Variants in CCDC144A observed in about 807,000 individuals in gnomAD.
CCDC144A encodes coiled-coil domain containing 144A.
CCDC144A carries 41 observed loss-of-function variants against 143.8 expected under a neutral mutation model. The ratio of observed to expected loss-of-function variants is 0.29; its 90% CI spans 0.22 to 0.37. The LOEUF (loss-of-function observed/expected upper bound fraction) is 0.37. CCDC144A is among the 10% of genes least tolerant of loss of function. The probability of loss-of-function intolerance (pLI) is 1.00; values close to 1 mark genes in which losing one functional copy is unlikely to be tolerated. For synonymous variants in CCDC144A, 242 were observed against 517.9 expected, an observed-to-expected ratio of 0.47 and a Z score of 7.23; for missense variants, 637 against 1,488.8, an observed-to-expected ratio of 0.43 and a Z score of 9.41.
chr17:16,716,245 A>G (rs1305152871), intron 6 of CCDC144A, among the ~76,000 whole-genome samples: 1 of 152,228 alleles, frequency 6.6e-6, no homozygotes, highest in African/African-American at 2.4e-5. Context: ...AACAAACAAA[A>G]AACAATTATT....
intron 1 of CCDC144A, among the ~76,000 whole-genome samples, chr17:16,691,322 C>T (rs1911056836): frequency 1.3e-5 from 2 of 152,064 alleles, no homozygotes; most frequent in African/African-American, 4.8e-5. Context: ...ATGCTGAGGA[C>T]CCTTTTCTTA....
At chr17:16,719,478 A>C (rs941899967) in intron 6 of CCDC144A, among the ~76,000 whole-genome samples, 1 of 152,176 alleles carries the variant, frequency 6.6e-6, no homozygotes, top group African/African-American at 2.4e-5. Flanking sequence ...TCTCTTTAAA[A>C]CACTTGAAAA....
intron 13 of CCDC144A, 104 bp from the exon 14 acceptor site, chr17:16,762,209 A>G (rs1915405983): frequency 6.6e-7 from 1 of 1,507,506 alleles, no homozygotes; most frequent in Admixed American, 2.3e-5. Context: ...TCACGTACTT[A>G]AAATTGTTCT....
chr17:16,690,341 G>T lies in CCDC144A; in HGVS notation c.-60G>T. On this transcript the variant is annotated 5_prime_UTR_variant, in exon 1 of 17. Transcript: ENST00000399273. ...CTGGCTTGGCGGTCCTCCTTTCGCA[G>T]ATTGGAAACCGCGGGCTATCCTGCT... 1.5e-6 allele frequency: 2 copies of T among 1,352,924 alleles called. No individual in the cohort carries two copies. The highest frequency in any genetic ancestry group is 2.0e-6 in the Non-Finnish European group (2 of 1,009,360). The allele number at this position is 1,352,924 out of a possible 1,614,324, so 83.8% of individuals were successfully genotyped here. A position where few individuals can be genotyped will look rare whatever the true frequency, so the allele number is the denominator to read the frequency against.
the CCDC144A span, among the ~76,000 whole-genome samples, chr17:16,672,232 T>C: frequency 1.1e-4 from 16 of 152,264 alleles, 1 homozygote; most frequent in East Asian, 2.9e-3. Flanking sequence ...GTGACATCAA[T>C]TGCACATTTT....
intron 8 of CCDC144A, among the ~76,000 whole-genome samples, chr17:16,722,145 T>A (rs181129754): frequency 3.7e-4 from 56 of 152,234 alleles, no homozygotes; most frequent in Non-Finnish European, 6.2e-4. Flanking sequence ...ATTTTTTTTT[T>A]AAATCAGGAA....
intron 2 of CCDC144A, among the ~76,000 whole-genome samples, chr17:16,700,441 G>A (rs1911669733): frequency 6.6e-6 from 1 of 152,116 alleles, no homozygotes; most frequent in South Asian, 2.1e-4. Flanking sequence ...AACCACATTT[G>A]CACAAACAGT....
rs1343946405 is a variant in CCDC144A at position 16,690,753 on chromosome 17, C to T, written c.344+9C>T. 43 of 1,593,722 alleles carry T rather than the reference C, an allele frequency of 2.7e-5. No individual in the cohort carries two copies. The highest frequency in any genetic ancestry group is 3.6e-5 in the Non-Finnish European group (42 of 1,166,036). On this transcript the variant is annotated intron_variant, in intron 1 of 16. Transcript: ENST00000399273. ...AGGGATAGGAAGAAGAGGTAATGGC[C>T]AGGCGAAGGATGCGCCGTCCTGTCG...
chr17:16,740,259 T>C (rs929371496), intron 12 of CCDC144A, among the ~76,000 whole-genome samples: 7 of 152,180 alleles, frequency 4.6e-5, no homozygotes, highest in African/African-American at 1.4e-4. Context: ...CTGGTTCTCT[T>C]GTACACTCCC....
At chr17:16,765,143 T>G (rs1915540616) in intron 15 of CCDC144A, 1 of 107,180 alleles carries the variant, frequency 9.3e-6, no homozygotes, top group Admixed American at 1.1e-4. Context: ...AACTATAGAG[T>G]TGGTAAGGAA....
chr17:16,706,273 G>T (rs1395710244), intron 3 of CCDC144A: 15 of 145,566 alleles, frequency 1.0e-4, no homozygotes, highest in African/African-American at 3.8e-4. Context: ...AAATGTGTTC[G>T]CTAGGGATGT....
chr17:16,683,840 A>G, the CCDC144A span: 1 of 1,393,630 alleles, frequency 7.2e-7, no homozygotes, highest in Non-Finnish European at 1.0e-6. Flanking sequence ...GCCTCCAGTT[A>G]GCAGAGACAC....
At chr17:16,746,826 G>C (rs1276833465) in intron 12 of CCDC144A, 4 of 1,149,136 alleles carry the variant, frequency 3.5e-6, no homozygotes, top group East Asian at 2.5e-5. Flanking sequence ...AAGGCACCGC[G>C]TACCGCGCTG....
At chr17:16,667,311 GGGCTGAGGA>G in the CCDC144A span, among the ~76,000 whole-genome samples, 20 of 127,764 alleles carry the variant, frequency 1.6e-4, no homozygotes, top group African/African-American at 4.5e-4. Context: ...GGCGGCTGAG[GGGCTGAGGA>G]GGCTGAGGAG....
At chr17:16,696,381 C>T (rs559672895) in intron 2 of CCDC144A, among the ~76,000 whole-genome samples, 1 of 150,536 alleles carries the variant, frequency 6.6e-6, no homozygotes, top group African/African-American at 2.5e-5. Context: ...CCTATAATCC[C>T]AGCATTTTGG....
the CCDC144A span, among the ~76,000 whole-genome samples, chr17:16,669,605 G>A: frequency 6.6e-6 from 1 of 152,084 alleles, no homozygotes; most frequent in Admixed American, 6.6e-5. Flanking sequence ...ACCCACATGT[G>A]GCTTTTGAGA....
chr17:16,697,981 T>C (rs1911516610), intron 2 of CCDC144A, among the ~76,000 whole-genome samples: 1 of 152,174 alleles, frequency 6.6e-6, no homozygotes, highest in African/African-American at 2.4e-5. Flanking sequence ...CAGTCACGAC[T>C]AACAGTTTTC....
intron 2 of CCDC144A, among the ~76,000 whole-genome samples, chr17:16,697,196 G>A (rs1911466033): frequency 6.6e-6 from 1 of 152,070 alleles, no homozygotes; most frequent in Non-Finnish European, 1.5e-5. Context: ...ATTGGAGTGG[G>A]GAGTCACATG....
In CCDC144A at chr17:16,690,793, C is replaced by G. The variant is rs746845416; in HGVS notation, c.344+49C>G. 3.6e-5 allele frequency: 56 copies of G among 1,538,566 alleles called. No individual in the cohort carries two copies. The South Asian group carries it at 6.9e-4, about 19-fold the overall frequency. On this transcript the variant is annotated intron_variant, in intron 1 of 16. Transcript: ENST00000399273. ...CCGTCCTGTCGGGGACACTGGCTTT[C>G]TGGTGCCCGCAGGCCCCACGGCACC...
Sources: gnomAD v4.1 joint callset for allele counts (sites outside exome capture counted in the v4.1 genomes callset) on GRCh38, gnomAD v4.1.1 for gene constraint, MANE v1.5 for transcripts, NCBI Gene and HGNC (gene_info 2026-07-23, HGNC 2026-07-21) for gene names.